SERAC1: variants seen among roughly 807,000 people sequenced by gnomAD.
The protein encoded by SERAC1 is protein SERAC1.
Under a neutral mutation model 85.7 loss-of-function variants are expected in SERAC1, and 36 were observed. The ratio of observed to expected loss-of-function variants is 0.42; its 90% CI spans 0.32 to 0.55. The LOEUF (loss-of-function observed/expected upper bound fraction) is 0.55. Among genes scored for constraint, SERAC1 ranks in the 20% least tolerant of loss-of-function variants. SERAC1 has a pLI of 0.11. For synonymous variants in SERAC1, 242 were observed against 265.3 expected, an observed-to-expected ratio of 0.91 and a Z score of 0.85; for missense variants, 629 against 796.2, an observed-to-expected ratio of 0.79 and a Z score of 2.53.
intron 8 of SERAC1, among the ~76,000 whole-genome samples, chr6:158,134,233 C>G (rs1288720429): frequency 6.6e-6 from 1 of 152,184 alleles, no homozygotes; most frequent in African/African-American, 2.4e-5. Context: ...TTGAATGGAA[C>G]CATATGAAGC....
intron 1 of SERAC1, among the ~76,000 whole-genome samples, chr6:158,159,461 T>C (rs904823293): frequency 4.0e-5 from 6 of 148,938 alleles, no homozygotes; most frequent in Non-Finnish European, 7.4e-5. Context: ...ATTGCGCCAC[T>C]GTACTCCAGC....
chr6:158,124,748 AACACACACAC>A lies in SERAC1; in HGVS notation c.1015+3350_1015+3359del, dbSNP rs201023302. Among the ~76,000 whole-genome samples, 66 of 131,458 alleles carry A rather than the reference AACACACACAC, an allele frequency of 5.0e-4. 1 individual carries two copies. The highest frequency in any genetic ancestry group is 1.5e-3 in the Admixed American group (20 of 13,784). 86.2% of individuals were successfully genotyped at this position (131,458 alleles called of 152,430 possible). A position where few individuals can be genotyped will look rare whatever the true frequency, so the allele number is the denominator to read the frequency against. On this transcript the variant is annotated intron_variant, in intron 10 of 16. Coordinates refer to ENST00000647468, the MANE Select transcript of SERAC1 (RefSeq NM_032861.4). ...GAATGACATTTTAGAAATGCTGGAA[AACACACACAC>A]ACACACACACACACACACACACACA...
intron 10 of SERAC1, among the ~76,000 whole-genome samples, chr6:158,122,660 A>C (rs1038369538): frequency 6.6e-6 from 1 of 152,020 alleles, no homozygotes; most frequent in African/African-American, 2.4e-5. Flanking sequence ...GGCGCCTGTA[A>C]TCCCAGCGAC....
At chr6:158,145,522 CTTT>C (rs770977567) in intron 6 of SERAC1, among the ~76,000 whole-genome samples, 9 of 129,192 alleles carry the variant, frequency 7.0e-5, no homozygotes, top group South Asian at 5.0e-4. Flanking sequence ...GAGAATTTTT[CTTT>C]TTTTTTTTTT....
intron 15 of SERAC1, among the ~76,000 whole-genome samples, chr6:158,114,272 A>AAGAG (rs1491091016): frequency 6.6e-6 from 1 of 152,246 alleles, no homozygotes; most frequent in African/African-American, 2.4e-5. Context: ...AGAAGAAATC[A>AAGAG]AGAGATTCTC....
At chr6:158,116,113 A>T in intron 14 of SERAC1, 72 bp downstream of exon 14, 1 of 1,215,068 alleles carries the variant, frequency 8.2e-7, no homozygotes, top group Non-Finnish European at 1.2e-6. Flanking sequence ...AAGATAAAAT[A>T]ACTTTAGGTT....
chr6:158,162,381 A>G (rs976578993), intron 1 of SERAC1, among the ~76,000 whole-genome samples: 1 of 152,192 alleles, frequency 6.6e-6, no homozygotes, highest in African/African-American at 2.4e-5. Flanking sequence ...TCAATATTAT[A>G]TTCCATCTGG....
At chr6:158,158,684 G>A (rs1785415386) in intron 1 of SERAC1, 1 of 210,530 alleles carries the variant, frequency 4.7e-6, no homozygotes, top group African/African-American at 2.3e-5. Flanking sequence ...AACAAGAATA[G>A]ACAGACTATT....
chr6:158,117,897 A>G lies in SERAC1; in HGVS notation c.1309-76T>C. On this transcript the variant is annotated intron_variant, in intron 12 of 16. Coordinates refer to ENST00000647468, the MANE Select transcript of SERAC1 (RefSeq NM_032861.4). This position sits in a 1 kb window ranked among gnomAD's most constrained non-coding sequence, Gnocchi z 4.3. ...AATTACTGCCTAGTAAATCAAATTT[A>G]TAACTAAAGGCCTCTTGCACTATAA... is the stretch of plus-strand genomic sequence containing the variant. The G allele has an allele frequency of 8.9e-7, 1 of 1,121,530 alleles. No individual in the cohort carries two copies. The allele number at this position is 1,121,530 out of a possible 1,614,324, so 69.5% of individuals were successfully genotyped here.
chr6:158,137,377 T>C (rs1208500654), intron 8 of SERAC1, among the ~76,000 whole-genome samples: 1 of 152,048 alleles, frequency 6.6e-6, no homozygotes, highest in African/African-American at 2.4e-5. Flanking sequence ...TTTTTGTTTG[T>C]TTGTTTGTTT....
intron 6 of SERAC1, chr6:158,145,181 T>C (rs1360384568): frequency 1.3e-5 from 2 of 151,980 alleles, no homozygotes; most frequent in African/African-American, 4.8e-5. Context: ...GAGACGGAGG[T>C]TGTAGTGAGC....
intron 15 of SERAC1, among the ~76,000 whole-genome samples, chr6:158,113,809 T>TATCA (rs1784207621): frequency 6.6e-6 from 1 of 152,076 alleles, no homozygotes. Context: ...GGAGAGGGTT[T>TATCA]ATCACATTAC....
intron 10 of SERAC1, among the ~76,000 whole-genome samples, chr6:158,127,403 C>G (rs1343720415): frequency 9.2e-5 from 5 of 54,224 alleles, no homozygotes; most frequent in East Asian, 5.7e-4. Context: ...CGGCCAGCCG[C>G]CCCGTCCGGG....
chr6:158,153,138 T>C (rs1785245622), intron 3 of SERAC1, among the ~76,000 whole-genome samples: 1 of 152,192 alleles, frequency 6.6e-6, no homozygotes, highest in Non-Finnish European at 1.5e-5. Context: ...TTCTTTACAG[T>C]TTTACCACCT....
chr6:158,137,156 CA>C lies in SERAC1; in HGVS notation c.738+5899del, dbSNP rs754524031. ...CTGGCAACACAGCGAGGCTGTGCCT[CA>C]AAAAAAAAAAAAAGTAAAAAGCAGT... On this transcript the variant is annotated intron_variant, in intron 8 of 16. Transcript: ENST00000647468. Among the ~76,000 whole-genome samples, 763 of 99,150 alleles carry C rather than the reference CA, an allele frequency of 7.7e-3. 6 individuals are homozygous for C. The highest frequency in any genetic ancestry group is 0.022 in the African/African-American group (577 of 26,776). The allele number at this position is 99,150 out of a possible 152,430, so 65.0% of individuals were successfully genotyped here.
At position 158,119,251 on chromosome 6, in the gene SERAC1, G is replaced by A; in HGVS notation, c.1167-81C>T. On this transcript the variant is annotated intron_variant, in intron 11 of 16. Coordinates refer to ENST00000647468, the MANE Select transcript of SERAC1 (RefSeq NM_032861.4). The surrounding 1 kb of genome is among the most constrained non-coding windows in gnomAD (Gnocchi z 4.5). ...AAGAATCTACACAGCATTCTCTGTG[G>A]ATGGTGCTTTAGCAGGCTTATGTGA... 6.8e-7 allele frequency: 1 copy of A among 1,469,266 alleles called. No homozygotes were observed. Among genetic ancestry groups the A allele is most frequent in the Non-Finnish European group, 9.2e-7 (1 of 1,088,934 alleles). 91.0% of individuals were successfully genotyped at this position (1,469,266 alleles called of 1,614,324 possible).
intron 1 of SERAC1, among the ~76,000 whole-genome samples, chr6:158,160,416 C>CA (rs1384125019): frequency 6.6e-6 from 1 of 152,168 alleles, no homozygotes; most frequent in Non-Finnish European, 1.5e-5. Flanking sequence ...GATATGCCAT[C>CA]AGGTGCACAC....
In SERAC1 at chr6:158,158,305, G is replaced by A; in HGVS notation, c.59C>T (p.Pro20Leu). 1 of 1,613,448 alleles carries A rather than the reference G, an allele frequency of 6.2e-7. No homozygotes were observed. Among genetic ancestry groups the A allele is most frequent in the Non-Finnish European group, 8.5e-7 (1 of 1,179,514 alleles). ...TCTCCAGTGTGTGCCACTTTTTGGT[G>A]GGGAAGTAGAGGTTCCTATTCTTCT... ...CCRRIGTSTS[P>L]PKSGTHWRDI... Residue 20 changes from proline to leucine, a missense_variant, in exon 2 of 17, where the codon CCA (proline) becomes CTA (leucine). By Grantham distance (98) the Pro-to-Leu change is moderately conservative. Transcript: ENST00000647468.
At chr6:158,166,606 C>T (rs1583618774) in intron 1 of SERAC1, among the ~76,000 whole-genome samples, 1 of 152,246 alleles carries the variant, frequency 6.6e-6, no homozygotes, top group East Asian at 1.9e-4. Flanking sequence ...TTTGTTGAGT[C>T]TTTCCATCTA....
Sources: gnomAD v4.1 joint callset for allele counts (sites outside exome capture counted in the v4.1 genomes callset) on GRCh38, gnomAD v4.1.1 for gene constraint, Gnocchi (gnomAD v3.1) non-coding constraint, MANE v1.5 for transcripts, NCBI Gene and HGNC (gene_info 2026-07-23, HGNC 2026-07-21) for gene names.